ZFHX3: variants seen among roughly 807,000 people sequenced by gnomAD.
ZFHX3 encodes the protein zinc finger homeobox protein 3.
Under a neutral mutation model 279.1 loss-of-function variants are expected in ZFHX3, and 42 were observed. The observed-to-expected ratio is 0.15, with a 90% confidence interval of 0.12 to 0.19. The LOEUF (loss-of-function observed/expected upper bound fraction) is 0.19. ZFHX3 is among the 10% of genes least tolerant of loss of function. The pLI, the probability that ZFHX3 is intolerant of heterozygous loss-of-function variation, is 1.00. For synonymous variants in ZFHX3, 2,293 were observed against 1,957.8 expected, an observed-to-expected ratio of 1.17 and a Z score of -4.52; for missense variants, 4,981 against 4,754.0, an observed-to-expected ratio of 1.05 and a Z score of -1.40.
At chr16:73,091,180 C>T (rs1966075605) in intron 8 of ZFHX3, among the ~76,000 whole-genome samples, 1 of 150,514 alleles carries the variant, frequency 6.6e-6, no homozygotes, top group Admixed American at 6.6e-5. Flanking sequence ...CACTGTACTC[C>T]AGCCTGGGCG....
chr16:73,555,036 T>C (rs2020254563), intron 2 of ZFHX3, among the ~76,000 whole-genome samples: 1 of 152,178 alleles, frequency 6.6e-6, no homozygotes, highest in African/African-American at 2.4e-5. Context: ...CCAATTTCTT[T>C]CCCTATTCCC....
chr16:73,418,558 T>C (rs2017645688), intron 3 of ZFHX3, among the ~76,000 whole-genome samples: 1 of 152,206 alleles, frequency 6.6e-6, no homozygotes. Context: ...GCAGAGTATG[T>C]GTGAGAAAAA....
chr16:73,606,090 G>A (rs546922192), intron 2 of ZFHX3, among the ~76,000 whole-genome samples: 1 of 150,108 alleles, frequency 6.7e-6, no homozygotes, highest in Non-Finnish European at 1.5e-5. Flanking sequence ...GGCTGAGGTG[G>A]AGAACGGCGT....
At chr16:73,525,359 G>A (rs1342132115) in intron 2 of ZFHX3, among the ~76,000 whole-genome samples, 4 of 152,152 alleles carry the variant, frequency 2.6e-5, no homozygotes, top group South Asian at 4.1e-4. Flanking sequence ...AAAGGGACGC[G>A]ATTTGTTTGC....
intron 2 of ZFHX3, among the ~76,000 whole-genome samples, chr16:73,658,052 G>A (rs1226614240): frequency 6.6e-6 from 1 of 152,162 alleles, no homozygotes; most frequent in Non-Finnish European, 1.5e-5. Flanking sequence ...TAGATGCTGT[G>A]AAATAAATTT....
rs1597096768 is a variant in ZFHX3, at chr16:73,018,049, G to A, written c.-50+29703C>T. ...CACCCAGGCTGGAGTCCAGTGGCAC[G>A]ATCATGGCTCACTGCAGCCTCAATT... is the stretch of plus-strand genomic sequence containing the variant. On this transcript the variant is annotated intron_variant, in intron 1 of 9. Coordinates refer to ENST00000268489, the MANE Select transcript of ZFHX3 (RefSeq NM_006885.4). 2.7e-5 allele frequency among the ~76,000 whole-genome samples: 4 copies of A among 150,704 alleles called. No homozygotes were observed. The South Asian group carries it at 8.4e-4, about 32-fold the overall frequency.
rs1418823896 is a variant in ZFHX3, at chr16:72,851,679, C to G, written c.3449-21820G>C. On this transcript the variant is annotated intron_variant, in intron 4 of 9. Transcript: ENST00000268489. ...AAGAGATTCTCCTGCCTCAGCCTCC[C>G]GAGTAGCTGGGATTACAGGCCCCTA... Among the ~76,000 whole-genome samples, 10 of 151,980 alleles carry G rather than the reference C, an allele frequency of 6.6e-5. No homozygotes were observed. In the South Asian group the frequency reaches 1.7e-3, roughly 25 times the overall value.
At position 73,815,018 on chromosome 16, in the gene ZFHX3, A is replaced by G. The variant is rs913005902; in HGVS notation, c.-1608+76633T>C. 9.2e-5 allele frequency among the ~76,000 whole-genome samples: 14 copies of G among 152,196 alleles called. 1 individual carries two copies. Among genetic ancestry groups the G allele is most frequent in the Admixed American group, 1.3e-4 (2 of 15,286 alleles). ...TAAAAGTAGGGTGATAATCACAAAT[A>G]TTAGGAAACATTTCTCCAAATACAA... On this transcript the variant is annotated intron_variant, in intron 1 of 17. Transcript: ENST00000641206.
chr16:73,875,660 C>T (rs2029924132), intron 1 of ZFHX3, among the ~76,000 whole-genome samples: 2 of 152,082 alleles, frequency 1.3e-5, no homozygotes, highest in Admixed American at 1.3e-4. Flanking sequence ...ATAATAATAG[C>T]AGCAAACATT....
chr16:72,888,686 C>A (rs373548831), intron 4 of ZFHX3, among the ~76,000 whole-genome samples: 3 of 152,330 alleles, frequency 2.0e-5, no homozygotes, highest in African/African-American at 7.2e-5. Context: ...CAAGAAAGGG[C>A]TGGGCAACAA....
intron 3 of ZFHX3, among the ~76,000 whole-genome samples, chr16:73,452,795 T>G (rs1446539385): frequency 6.6e-6 from 1 of 152,212 alleles, no homozygotes; most frequent in Non-Finnish European, 1.5e-5. Context: ...GAGCAAGAAA[T>G]TTTCATTTGG....
intron 5 of ZFHX3, among the ~76,000 whole-genome samples, chr16:73,153,464 C>T (rs1484980191): frequency 6.6e-6 from 1 of 151,950 alleles, no homozygotes; most frequent in Admixed American, 6.6e-5. Flanking sequence ...TTTTTCTGCA[C>T]TGGAGTCATT....
chr16:73,416,254 T>G, intron 3 of ZFHX3, among the ~76,000 whole-genome samples: 1 of 152,182 alleles, frequency 6.6e-6, no homozygotes, highest in East Asian at 1.9e-4. Flanking sequence ...GCATTTTTAT[T>G]CCTTTGCTTG....
At chr16:73,619,212 G>C (rs1026731669) in intron 2 of ZFHX3, among the ~76,000 whole-genome samples, 1 of 152,104 alleles carries the variant, frequency 6.6e-6, no homozygotes, top group African/African-American at 2.4e-5. Flanking sequence ...TCTGTGGCCG[G>C]GTGCGGTGGC....
intron 4 of ZFHX3, among the ~76,000 whole-genome samples, chr16:72,876,582 AG>A (rs1412939504): frequency 6.6e-6 from 1 of 151,442 alleles, no homozygotes; most frequent in Non-Finnish European, 1.5e-5. Context: ...TGTTCTACCC[AG>A]GCATGTTGAA....
intron 7 of ZFHX3, 23 bp from the exon 8 acceptor site, chr16:72,800,152 G>A (rs2036052067): frequency 1.3e-6 from 2 of 1,587,302 alleles, no homozygotes; most frequent in Non-Finnish European, 1.7e-6. Context: ...AGCAAGGAGA[G>A]TCAAATGGAG....
rs537032320 is a variant in ZFHX3 at position 73,019,495 on chromosome 16, C to G, written c.-50+28257G>C. On this transcript the variant is annotated intron_variant, in intron 1 of 9. Transcript: ENST00000268489. ...CCTTACCAAGGTGCCCACCGGAAACCCCTGCCTGGACCCCTGCAGCCCTCC... is the reference window on the plus strand; with the variant it reads ...CCTTACCAAGGTGCCCACCGGAAACGCCTGCCTGGACCCCTGCAGCCCTCC... 5.3e-5 allele frequency among the ~76,000 whole-genome samples: 8 copies of G among 152,308 alleles called. No individual in the cohort carries two copies. The East Asian group carries it at 1.5e-3, about 29-fold the overall frequency.
At chr16:73,133,544 G>A (rs1374353479) in intron 6 of ZFHX3, among the ~76,000 whole-genome samples, 3 of 152,068 alleles carry the variant, frequency 2.0e-5, no homozygotes, top group Non-Finnish European at 4.4e-5. Context: ...GAGGAGATTC[G>A]GACACAGACA....
chr16:73,855,670 C>G (rs980687809), intron 1 of ZFHX3, among the ~76,000 whole-genome samples: 1 of 152,162 alleles, frequency 6.6e-6, no homozygotes, highest in Non-Finnish European at 1.5e-5. Context: ...ACATAACAAG[C>G]TCAGAAAGCA....
Sources: allele counts gnomAD v4.1 joint callset (sites outside exome capture counted in the v4.1 genomes callset), GRCh38; gene constraint gnomAD v4.1.1; transcripts MANE v1.5; gene names NCBI Gene and HGNC (gene_info 2026-07-23, HGNC 2026-07-21).